ARMH3: variants seen among roughly 807,000 people sequenced by gnomAD.
The protein encoded by ARMH3 is armadillo-like helical domain-containing protein 3.
A neutral mutation model predicts 99.1 loss-of-function variants in ARMH3; 60 were observed. The observed-to-expected ratio is 0.61, with a 90% CI of 0.49 to 0.75. The LOEUF (loss-of-function observed/expected upper bound fraction) is 0.75. ARMH3 is among the 30% of genes least tolerant of loss of function. The pLI is 0.00. For missense variants in ARMH3, 679 were observed against 843.1 expected (o/e 0.81, Z 2.41); for synonymous variants, 285 against 292.8 (o/e 0.97, Z 0.27).
chr10:101,935,184 T>C (rs1434690530), intron 23 of ARMH3, among the ~76,000 whole-genome samples: 2 of 146,190 alleles, frequency 1.4e-5, no homozygotes, highest in African/African-American at 2.5e-5. Flanking sequence ...AATATATATA[T>C]ATATATATAT....
chr10:101,906,582 A>G (rs1842645338), intron 23 of ARMH3, among the ~76,000 whole-genome samples: 1 of 152,236 alleles, frequency 6.6e-6, no homozygotes, highest in South Asian at 2.1e-4. Flanking sequence ...GGTTGAAAGA[A>G]CCTACTGACT....
intron 8 of ARMH3, among the ~76,000 whole-genome samples, chr10:102,019,329 A>G (rs931853427): frequency 6.6e-6 from 1 of 151,916 alleles, no homozygotes; most frequent in Non-Finnish European, 1.5e-5. Flanking sequence ...GATTACAGGC[A>G]TAAGCCACCA....
chr10:101,960,638 C>T (rs759165186), intron 20 of ARMH3, among the ~76,000 whole-genome samples: 3 of 152,062 alleles, frequency 2.0e-5, no homozygotes, highest in Non-Finnish European at 2.9e-5. Context: ...TGCCTGTAAT[C>T]CCAGCACTTT....
intron 4 of ARMH3, among the ~76,000 whole-genome samples, chr10:102,030,477 G>A (rs1299762015): frequency 1.3e-5 from 2 of 152,168 alleles, no homozygotes; most frequent in Non-Finnish European, 2.9e-5. Context: ...GGGAGGCTGA[G>A]GCAAGTGGAT....
At chr10:101,928,716 G>A (rs1843602772) in intron 23 of ARMH3, among the ~76,000 whole-genome samples, 1 of 152,070 alleles carries the variant, frequency 6.6e-6, no homozygotes, top group African/African-American at 2.4e-5. Context: ...AAGATATTTT[G>A]TTGTTGTTGT....
At chr10:101,907,076 T>C (rs1478762732) in intron 23 of ARMH3, among the ~76,000 whole-genome samples, 1 of 152,136 alleles carries the variant, frequency 6.6e-6, no homozygotes. Context: ...GTAACACTAG[T>C]CTTCAGAGAG....
chr10:102,024,703 C>T (rs908747635), intron 6 of ARMH3, among the ~76,000 whole-genome samples: 4 of 151,670 alleles, frequency 2.6e-5, no homozygotes, highest in Non-Finnish European at 4.4e-5. Context: ...CCTGTAATCC[C>T]AGCTACTTGG....
At chr10:101,982,894 A>G (rs1282955449) in intron 19 of ARMH3, among the ~76,000 whole-genome samples, 1 of 152,202 alleles carries the variant, frequency 6.6e-6, no homozygotes, top group African/African-American at 2.4e-5. Context: ...CGATGTAATA[A>G]TAACAAATAA....
At chr10:101,963,268 G>C (rs1366218474) in intron 20 of ARMH3, among the ~76,000 whole-genome samples, 2 of 151,282 alleles carry the variant, frequency 1.3e-5, no homozygotes, top group Non-Finnish European at 2.9e-5. Flanking sequence ...TCAGCCTCCT[G>C]AGTAGCTGGG....
chr10:101,966,415 T>C, intron 20 of ARMH3, among the ~76,000 whole-genome samples: 2 of 150,998 alleles, frequency 1.3e-5, no homozygotes, highest in African/African-American at 2.4e-5. Context: ...TAGCTGGGAT[T>C]ACAGGCGCCC....
chr10:101,927,828 T>C (rs1843567980), intron 23 of ARMH3, among the ~76,000 whole-genome samples: 1 of 152,186 alleles, frequency 6.6e-6, no homozygotes, highest in Non-Finnish European at 1.5e-5. Context: ...ATCCCAGCAC[T>C]TTGGAGGGCC....
intron 23 of ARMH3, among the ~76,000 whole-genome samples, chr10:101,928,542 G>C (rs1439048348): frequency 2.0e-5 from 3 of 152,114 alleles, no homozygotes; most frequent in Non-Finnish European, 4.4e-5. Flanking sequence ...AGTGGCACAT[G>C]CTTATGGTCC....
intron 16 of ARMH3, among the ~76,000 whole-genome samples, chr10:101,994,240 A>G (rs1846950936): frequency 6.6e-6 from 1 of 152,238 alleles, no homozygotes; most frequent in East Asian, 1.9e-4. Flanking sequence ...AGGAACTGTT[A>G]CAATTTGTGA....
At chr10:102,007,833 CAAAAAAAAAA>C (rs529858697) in intron 13 of ARMH3, among the ~76,000 whole-genome samples, 1 of 48,978 alleles carries the variant, frequency 2.0e-5, no homozygotes, top group African/African-American at 6.8e-5. Flanking sequence ...ACACCATCTC[CAAAAAAAAAA>C]AAAAAAAAAA....
intron 22 of ARMH3, among the ~76,000 whole-genome samples, chr10:101,945,307 C>T (rs1007210641): frequency 3.3e-5 from 5 of 152,186 alleles, no homozygotes; most frequent in African/African-American, 1.2e-4. Flanking sequence ...AGAGGCCAGG[C>T]GCAGTGCCTC....
At position 101,936,491 on chromosome 10, in the gene ARMH3, C is replaced by CAAA. The variant is rs202009727; in HGVS notation, c.1781+3369_1781+3371dup. On this transcript the variant is annotated intron_variant, in intron 23 of 25. Coordinates refer to ENST00000370033, the MANE Select transcript of ARMH3 (RefSeq NM_024541.3). ...TGGGCAACAGAGTGAGACTCTGTCT[C>CAAA]AAAAAAAAAAAAAAAAAGAAAGGAA... 7.7e-4 allele frequency among the ~76,000 whole-genome samples: 43 copies of CAAA among 56,066 alleles called. 1 individual carries two copies. Among genetic ancestry groups the CAAA allele is most frequent in the African/African-American group, 2.1e-3 (42 of 20,238 alleles). 36.8% of individuals were successfully genotyped at this position (56,066 alleles called of 152,430 possible). A position where few individuals can be genotyped will look rare whatever the true frequency, so the allele number is the denominator to read the frequency against.
In ARMH3 at chr10:102,047,689, T is replaced by C. The variant is rs959619290; in HGVS notation, c.-11-7564A>G. Among the ~76,000 whole-genome samples, 4 of 152,086 alleles carry C rather than the reference T, an allele frequency of 2.6e-5. No individual in the cohort carries two copies. The East Asian group carries it at 7.7e-4, about 29-fold the overall frequency. On this transcript the variant is annotated intron_variant, in intron 1 of 25. Coordinates refer to ENST00000370033, the MANE Select transcript of ARMH3 (RefSeq NM_024541.3). Reference sequence around the variant, plus strand: ...TTTTTGTAGAAACGAGATTTCGCCATGTTGCCCAGGCTGGTCTCAAAACTC... The same window carrying C: ...TTTTTGTAGAAACGAGATTTCGCCACGTTGCCCAGGCTGGTCTCAAAACTC...
At chr10:102,036,866 TAAAAA>T (rs750365326) in intron 2 of ARMH3, among the ~76,000 whole-genome samples, 3 of 77,934 alleles carry the variant, frequency 3.8e-5, no homozygotes, top group Non-Finnish European at 8.5e-5. Context: ...GAATGATCAA[TAAAAA>T]AAAAAAAAAA....
At position 101,960,783 on chromosome 10, in the gene ARMH3, G is replaced by C. The variant is rs555236650; in HGVS notation, c.1496-3051C>G. Among the ~76,000 whole-genome samples the C allele has an allele frequency of 3.3e-5, 5 of 151,648 alleles. 1 individual carries two copies. The highest frequency in any genetic ancestry group is 4.2e-4 in the South Asian group (2 of 4,792). The stretch of plus-strand genomic sequence containing the variant: ...CGGGCACCTGTAATCCCAGCTACTC[G>C]TGAGGCTGAGGCAGGAGAATCGCTT... On this transcript the variant is annotated intron_variant, in intron 20 of 25. Transcript: ENST00000370033.
Sources: allele counts gnomAD v4.1 joint callset (sites outside exome capture counted in the v4.1 genomes callset), GRCh38; gene constraint gnomAD v4.1.1; transcripts MANE v1.5; gene names NCBI Gene and HGNC (gene_info 2026-07-23, HGNC 2026-07-21).